The following ADAMTSL1 variants were observed in gnomAD, a reference collection of about 807,000 sequenced individuals.
ADAMTSL1 encodes ADAMTS like 1.
A neutral mutation model predicts 201.8 loss-of-function variants in ADAMTSL1; 126 were observed. The observed-to-expected ratio is 0.62, with a 90% CI of 0.54 to 0.72. The LOEUF (loss-of-function observed/expected upper bound fraction) is 0.72. Ranked by LOEUF, ADAMTSL1 falls within the 30% of genes least tolerant of loss-of-function variation. The pLI is 0.00. For synonymous variants in ADAMTSL1, 1,121 were observed against 903.4 expected (o/e 1.24, Z -4.32); for missense variants, 2,679 against 2,277.8 (o/e 1.18, Z -3.59).
At chr9:18,603,751 A>G (rs1824823326) in intron 4 of ADAMTSL1, among the ~76,000 whole-genome samples, 2 of 152,186 alleles carry the variant, frequency 1.3e-5, no homozygotes, top group Non-Finnish European at 2.9e-5. Flanking sequence ...TTTTAAGTAT[A>G]TACTTCAGGG....
rs373773128 is a variant in ADAMTSL1, at chr9:18,055,377, A to G, written c.88-108485A>G. Among the ~76,000 whole-genome samples the G allele has an allele frequency of 1.6e-3, 238 of 152,254 alleles. 7 individuals carry two copies. The South Asian group carries it at 0.049, about 31-fold the overall frequency. On this transcript the variant is annotated intron_variant, in intron 1 of 29. Transcript: ENST00000680146. ...TTTCCTCCATGTGGTAAATGCTGCC[A>G]CACCCCCATCAAAGGAAGTGTGTAG...
chr9:17,916,022 C>G (rs1480077747), intron 1 of ADAMTSL1, among the ~76,000 whole-genome samples: 1 of 152,078 alleles, frequency 6.6e-6, no homozygotes, highest in African/African-American at 2.4e-5. Flanking sequence ...TGTGTTCAAA[C>G]AATTCTCATG....
intron 1 of ADAMTSL1, among the ~76,000 whole-genome samples, chr9:18,094,065 G>A (rs559646215): frequency 2.0e-4 from 30 of 152,224 alleles, no homozygotes; most frequent in East Asian, 1.6e-3. Flanking sequence ...ACCAGTTTTC[G>A]TTGAGTAATG....
chr9:18,587,960 G>C (rs1823621276), intron 4 of ADAMTSL1, among the ~76,000 whole-genome samples: 1 of 152,120 alleles, frequency 6.6e-6, no homozygotes, highest in South Asian at 2.1e-4. Flanking sequence ...CTTTGATGTA[G>C]TGATTTCCTT....
chr9:18,085,197 G>A (rs893132650), intron 1 of ADAMTSL1, among the ~76,000 whole-genome samples: 1 of 152,086 alleles, frequency 6.6e-6, no homozygotes, highest in Non-Finnish European at 1.5e-5. Flanking sequence ...TGTTTTTCCT[G>A]TGATTCAAGT....
At chr9:18,591,109 A>G (rs1027562179) in intron 4 of ADAMTSL1, among the ~76,000 whole-genome samples, 1 of 152,122 alleles carries the variant, frequency 6.6e-6, no homozygotes, top group African/African-American at 2.4e-5. Flanking sequence ...TGATCTGTCC[A>G]TTGCTAAAAG....
chr9:18,561,187 C>G (rs1207147377), intron 3 of ADAMTSL1, among the ~76,000 whole-genome samples: 1 of 152,178 alleles, frequency 6.6e-6, no homozygotes. Context: ...AAATTTCCCT[C>G]TACACACTGC....
intron 2 of ADAMTSL1, among the ~76,000 whole-genome samples, chr9:18,411,795 C>T (rs1340142438): frequency 1.3e-5 from 2 of 152,130 alleles, no homozygotes; most frequent in African/African-American, 2.4e-5. Context: ...CTGGTAGGCA[C>T]TTTTAGAATA....
At chr9:18,478,434 TAC>T (rs1004335791) in intron 1 of ADAMTSL1, among the ~76,000 whole-genome samples, 8 of 152,276 alleles carry the variant, frequency 5.3e-5, no homozygotes, top group South Asian at 2.1e-4. Context: ...GCCGTGTAGA[TAC>T]AGTTTGTGAA....
intron 7 of ADAMTSL1, among the ~76,000 whole-genome samples, chr9:18,647,568 G>C (rs554456395): frequency 4.6e-5 from 7 of 152,218 alleles, no homozygotes; most frequent in East Asian, 1.9e-4. Context: ...ATGTGTCCCA[G>C]AGAGTCTGGT....
intron 27 of ADAMTSL1, 28 bp downstream of exon 27, chr9:18,905,919 C>A: frequency 1.3e-6 from 2 of 1,550,288 alleles, no homozygotes; most frequent in Non-Finnish European, 1.8e-6. Flanking sequence ...ATCTCCTTTT[C>A]CCAGCCCCAT....
At chr9:18,018,538 C>T (rs1233419124) in intron 1 of ADAMTSL1, among the ~76,000 whole-genome samples, 1 of 152,032 alleles carries the variant, frequency 6.6e-6, no homozygotes, top group East Asian at 1.9e-4. Context: ...TGAGTGTTCC[C>T]TCACTCACCC....
At chr9:18,633,454 A>T (rs1165003598) in intron 5 of ADAMTSL1, among the ~76,000 whole-genome samples, 1 of 151,972 alleles carries the variant, frequency 6.6e-6, no homozygotes, top group African/African-American at 2.4e-5. Flanking sequence ...GCCGGGCTGC[A>T]GTGGCAGAAG....
intron 7 of ADAMTSL1, among the ~76,000 whole-genome samples, chr9:18,649,364 G>A (rs534898575): frequency 1.1e-3 from 164 of 152,018 alleles, no homozygotes; most frequent in African/African-American, 3.7e-3. Context: ...TGGTTTGATC[G>A]TCTGAAGCCT....
chr9:18,241,751 C>CA (rs1178534309), intron 2 of ADAMTSL1, among the ~76,000 whole-genome samples: 1 of 151,640 alleles, frequency 6.6e-6, no homozygotes, highest in Non-Finnish European at 1.5e-5. Context: ...AGTTATATAC[C>CA]AAAAAATGGG....
At chr9:18,905,934 A>G in intron 27 of ADAMTSL1, 43 bp downstream of exon 27, 1 of 1,490,024 alleles carries the variant, frequency 6.7e-7, no homozygotes, top group South Asian at 1.2e-5. Flanking sequence ...CCCCATGTCA[A>G]CAGCACGGAA....
At chr9:17,948,981 G>T (rs1482372297) in intron 1 of ADAMTSL1, among the ~76,000 whole-genome samples, 1 of 152,156 alleles carries the variant, frequency 6.6e-6, no homozygotes, top group Admixed American at 6.6e-5. Flanking sequence ...TTGAGGATCA[G>T]ATAGCTAGTT....
chr9:18,573,227 A>G (rs1406845150), intron 3 of ADAMTSL1: 1 of 154,112 alleles, frequency 6.5e-6, no homozygotes, highest in Non-Finnish European at 1.5e-5. Context: ...AGTAATAGCT[A>G]CCATCTACTC....
intron 1 of ADAMTSL1, among the ~76,000 whole-genome samples, chr9:18,477,215 C>G (rs1821496278): frequency 6.6e-6 from 1 of 152,194 alleles, no homozygotes; most frequent in Non-Finnish European, 1.5e-5. Flanking sequence ...TCCATCTACA[C>G]TTGAAGTCAA....
Sources: allele counts gnomAD v4.1 joint callset (sites outside exome capture counted in the v4.1 genomes callset), GRCh38; gene constraint gnomAD v4.1.1; transcripts MANE v1.5; gene names NCBI Gene and HGNC (gene_info 2026-07-23, HGNC 2026-07-21).